Variants in C3orf20 observed in about 807,000 individuals in gnomAD.
C3orf20 encodes uncharacterized protein C3orf20.
Under a neutral mutation model 88.3 loss-of-function variants are expected in C3orf20, and 76 were observed. The observed-to-expected ratio is 0.86, with a 90% CI of 0.72 to 1.04. The LOEUF is 1.04. C3orf20 is among the 50% of genes least tolerant of loss of function. The pLI is 0.00. For missense variants in C3orf20, 1,056 were observed against 1,123.3 expected, an observed-to-expected ratio of 0.94 and a Z score of 0.86; for synonymous variants, 436 against 437.4, an observed-to-expected ratio of 1.00 and a Z score of 0.04.
intron 13 of C3orf20, among the ~76,000 whole-genome samples, chr3:14,758,362 G>A (rs1559444987): frequency 6.6e-6 from 1 of 152,224 alleles, no homozygotes; most frequent in Non-Finnish European, 1.5e-5. Context: ...GGTTATGGCT[G>A]AGGTCTAAAG....
At chr3:14,756,152 C>A (rs2035365218) in intron 12 of C3orf20, among the ~76,000 whole-genome samples, 1 of 149,976 alleles carries the variant, frequency 6.7e-6, no homozygotes, top group African/African-American at 2.4e-5. Flanking sequence ...CTGTAAAATG[C>A]TAAACATGCT....
At chr3:14,706,864 ACT>A (rs2033524367) in intron 7 of C3orf20, among the ~76,000 whole-genome samples, 1 of 150,886 alleles carries the variant, frequency 6.6e-6, no homozygotes, top group Non-Finnish European at 1.5e-5. Context: ...TGTTTGGAAA[ACT>A]CTTCTTTCAC....
chr3:14,683,046 T>C lies in C3orf20; in HGVS notation c.333T>C (p.Thr111=). ...APPRPVLLAT[T]GAAKRSTLSP... The stretch of plus-strand genomic sequence containing the variant: ...CACGTCCAGTGCTGCTGGCAACCAC[T>C]GGGGCAGCCAAGCGCTCCACCCTCT... The change falls in exon 3 of 17, where the codon ACT becomes ACC. Residue 111 remains threonine, a synonymous_variant. Coordinates refer to ENST00000253697, the MANE Select transcript of C3orf20 (RefSeq NM_032137.5). The C allele has an allele frequency of 6.2e-7, 1 of 1,611,744 alleles. No homozygotes were observed.
chr3:14,726,777 G>A (rs2034363335), intron 10 of C3orf20, 124 bp from the exon 11 acceptor site: 2 of 1,331,984 alleles, frequency 1.5e-6, no homozygotes, highest in South Asian at 2.7e-5. Flanking sequence ...TGTGTTCCAG[G>A]TAGGGGTAGG....
chr3:14,710,128 C>T (rs867249083), intron 7 of C3orf20, among the ~76,000 whole-genome samples: 20 of 151,232 alleles, frequency 1.3e-4, no homozygotes, highest in South Asian at 4.1e-4. Context: ...TGTCCATCTA[C>T]GTTATCTGAC....
intron 7 of C3orf20, among the ~76,000 whole-genome samples, chr3:14,711,958 T>G (rs2033757136): frequency 6.6e-6 from 1 of 152,122 alleles, no homozygotes; most frequent in Admixed American, 6.6e-5. Context: ...TTCTCCATAT[T>G]TTTAAGTTAT....
chr3:14,685,572 T>TA (rs894086715), intron 4 of C3orf20, among the ~76,000 whole-genome samples: 14 of 152,090 alleles, frequency 9.2e-5, no homozygotes, highest in Non-Finnish European at 1.6e-4. Flanking sequence ...AATACAGTGA[T>TA]ATTAACTATA....
chr3:14,707,520 G>A (rs1468085835), intron 7 of C3orf20, among the ~76,000 whole-genome samples: 5 of 150,752 alleles, frequency 3.3e-5, no homozygotes, highest in African/African-American at 9.8e-5. Flanking sequence ...GGAGAAATGT[G>A]TATTGAAGTC....
Position 14,675,173 on chromosome 3 carries a change from T to TA in C3orf20, c.-377dup, listed in dbSNP as rs2031689958. 1 of 152,160 alleles carries TA rather than the reference T, an allele frequency of 6.6e-6. No individual in the cohort carries two copies. The highest frequency in any genetic ancestry group is 6.5e-5 in the Admixed American group (1 of 15,282). The allele number at this position is 152,160 out of a possible 1,614,324, so 9.4% of individuals were successfully genotyped here. The stretch of plus-strand genomic sequence containing the variant: ...ACACAACCTGGAGTAGCCCATGCCA[T>TA]ACTGTGTCCTTTTAAGTCAGTAAAT... On this transcript the variant is annotated 5_prime_UTR_variant, in exon 1 of 17. An upstream open reading frame in the 5' UTR gains an earlier in-frame stop. Transcript: ENST00000253697.
Position 14,768,568 on chromosome 3 carries a change from T to C in C3orf20, c.2496-3499T>C, listed in dbSNP as rs2035779548. ...ACTCATGAACCTGGCAGGGACTGGG[T>C]TGGGGCTAAGCAGGGTATCATGAGC... On this transcript the variant is annotated intron_variant, in intron 15 of 16. Transcript: ENST00000253697. This position sits in a 1 kb window ranked among gnomAD's most constrained non-coding sequence, Gnocchi z 4.1. Among the ~76,000 whole-genome samples, 1 of 151,852 alleles carries C rather than the reference T, an allele frequency of 6.6e-6. No homozygotes were observed. Among genetic ancestry groups the C allele is most frequent in the Non-Finnish European group, 1.5e-5 (1 of 68,006 alleles).
chr3:14,735,646 T>TG (rs2034682459), intron 12 of C3orf20, among the ~76,000 whole-genome samples: 1 of 151,818 alleles, frequency 6.6e-6, no homozygotes, highest in Non-Finnish European at 1.5e-5. Context: ...CAGGCTGGAG[T>TG]GCGGTGGTGC....
intron 7 of C3orf20, among the ~76,000 whole-genome samples, chr3:14,707,463 G>GTA: frequency 6.8e-6 from 1 of 147,464 alleles, no homozygotes; most frequent in African/African-American, 2.6e-5. Flanking sequence ...GTGTGTGTGT[G>GTA]TGTGTGTGTG....
chr3:14,741,574 A>G (rs796519055), intron 12 of C3orf20, among the ~76,000 whole-genome samples: 8 of 152,270 alleles, frequency 5.3e-5, no homozygotes, highest in African/African-American at 1.4e-4. Flanking sequence ...GGTCTAAAAT[A>G]CCCTAAGTCA....
chr3:14,766,596 C>A (rs1445388583), intron 15 of C3orf20, among the ~76,000 whole-genome samples: 1 of 152,234 alleles, frequency 6.6e-6, no homozygotes, highest in African/African-American at 2.4e-5. Flanking sequence ...ACACACTAGT[C>A]ACTATTTGCA....
chr3:14,728,698 G>A lies in C3orf20; in HGVS notation c.1940+10G>A. The A allele has an allele frequency of 6.2e-7, 1 of 1,611,860 alleles. No individual in the cohort carries two copies. The highest frequency in any genetic ancestry group is 8.5e-7 in the Non-Finnish European group (1 of 1,179,434). ...CCAAGGTCACATCCAGGTTGGCTTGGTCCTTCACGTCTTCCGCAGCATCGG... is the reference window on the plus strand; with the variant it reads ...CCAAGGTCACATCCAGGTTGGCTTGATCCTTCACGTCTTCCGCAGCATCGG... On this transcript the variant is annotated intron_variant, in intron 12 of 16. Transcript: ENST00000253697.
rs36096720 is a variant in C3orf20 at position 14,759,980 on chromosome 3, G to T, written c.2334G>T (p.Val778=). ...DPPLMVKKNS[V]VQGMILMFAG... ...CCCTGATGGTGAAGAAGAACTCTGT[G>T]GTGCAGGGGATGATTCTGGTGAGCC... is the stretch of plus-strand genomic sequence containing the variant. The change falls in exon 14 of 17, where the codon GTG becomes GTT. Residue 778 remains valine (V), a synonymous_variant. Transcript: ENST00000253697. 2 of 1,613,936 alleles carry T rather than the reference G, an allele frequency of 1.2e-6. No individual in the cohort carries two copies. Among genetic ancestry groups the T allele is most frequent in the Non-Finnish European group, 1.7e-6 (2 of 1,179,828 alleles).
intron 7 of C3orf20, among the ~76,000 whole-genome samples, chr3:14,706,008 T>C (rs1221158089): frequency 6.6e-6 from 1 of 152,148 alleles, no homozygotes; most frequent in Non-Finnish European, 1.5e-5. Flanking sequence ...GTGGATCTCA[T>C]TTTAATAATA....
rs369709635 is a variant in C3orf20 at position 14,742,744 on chromosome 3, G to A, written c.1940+14056G>A. ...TGGACTTACAGTTCCACATGGCTAG[G>A]GAGGCCTCAGAATCATGGTGGGAGG... is the stretch of plus-strand genomic sequence containing the variant. On this transcript the variant is annotated intron_variant, in intron 12 of 16. Coordinates refer to ENST00000253697, the MANE Select transcript of C3orf20 (RefSeq NM_032137.5). Among the ~76,000 whole-genome samples, 108 of 152,276 alleles carry A rather than the reference G, an allele frequency of 7.1e-4. 1 individual carries two copies. The highest frequency in any genetic ancestry group is 6.8e-3 in the Middle Eastern group (2 of 294).
At chr3:14,705,110 G>A (rs1248085355) in intron 7 of C3orf20, among the ~76,000 whole-genome samples, 1 of 152,190 alleles carries the variant, frequency 6.6e-6, no homozygotes, top group African/African-American at 2.4e-5. Flanking sequence ...TATCTCCTGG[G>A]CCCTGACTGC....
Sources: allele counts gnomAD v4.1 joint callset (sites outside exome capture counted in the v4.1 genomes callset), GRCh38; gene constraint gnomAD v4.1.1; non-coding constraint Gnocchi (gnomAD v3.1); transcripts MANE v1.5; gene names NCBI Gene and HGNC (gene_info 2026-07-23, HGNC 2026-07-21).